The following TMEM232 variants were observed in gnomAD, a reference collection of about 807,000 sequenced individuals.
The protein encoded by TMEM232 is transmembrane protein 232.
In TMEM232, 80 loss-of-function variants were observed where a neutral mutation model predicts 78.8. The ratio of observed to expected loss-of-function variants is 1.01; its 90% confidence interval spans 0.85 to 1.22. TMEM232 has a LOEUF of 1.22. Ranked by LOEUF, TMEM232 falls within the 50% of genes most tolerant of loss-of-function variation. The pLI is 0.00. For missense variants in TMEM232, 881 were observed against 742.2 expected (o/e 1.19, Z -2.17); for synonymous variants, 297 against 254.3 (o/e 1.17, Z -1.60).
chr5:110,571,360 T>C (rs975332443), intron 10 of TMEM232, among the ~76,000 whole-genome samples: 15 of 152,124 alleles, frequency 9.9e-5, no homozygotes, highest in East Asian at 5.8e-4. Flanking sequence ...GCTGAAGTGT[T>C]TCTTGGAACA....
At chr5:110,450,706 C>T (rs544269013) in intron 12 of TMEM232, among the ~76,000 whole-genome samples, 7 of 152,276 alleles carry the variant, frequency 4.6e-5, no homozygotes, top group Admixed American at 4.6e-4. Flanking sequence ...TCCAGCACTC[C>T]TGGATGTACC....
At chr5:110,632,696 G>A (rs1003341812) in intron 5 of TMEM232, among the ~76,000 whole-genome samples, 4 of 151,594 alleles carry the variant, frequency 2.6e-5, no homozygotes, top group Non-Finnish European at 4.4e-5. Flanking sequence ...GATATAACTT[G>A]GAGAAAAACA....
intron 3 of TMEM232, among the ~76,000 whole-genome samples, chr5:110,397,455 G>T (rs1221399336): frequency 6.6e-6 from 1 of 152,102 alleles, no homozygotes; most frequent in Admixed American, 6.6e-5. Flanking sequence ...ATTAGAACTT[G>T]TATGCCCTCC....
chr5:110,521,677 C>T (rs995283306), intron 12 of TMEM232, among the ~76,000 whole-genome samples: 21 of 152,050 alleles, frequency 1.4e-4, no homozygotes, highest in African/African-American at 4.8e-4. Flanking sequence ...TGTGGATATC[C>T]AGCTTTCCTA....
At chr5:110,535,384 CT>C (rs1174845696) in intron 11 of TMEM232, among the ~76,000 whole-genome samples, 2 of 152,100 alleles carry the variant, frequency 1.3e-5, no homozygotes, top group Non-Finnish European at 2.9e-5. Flanking sequence ...TACCCAAATC[CT>C]ATAAAACGGC....
intron 1 of TMEM232, among the ~76,000 whole-genome samples, chr5:110,693,456 A>G (rs190089960): frequency 4.3e-4 from 65 of 152,356 alleles, no homozygotes; most frequent in Middle Eastern, 3.4e-3. Context: ...TGGATAGAGA[A>G]TGACTTTGAC....
At chr5:110,696,387 G>A (rs375218806) in intron 1 of TMEM232, among the ~76,000 whole-genome samples, 2 of 152,064 alleles carry the variant, frequency 1.3e-5, no homozygotes, top group South Asian at 2.1e-4. Flanking sequence ...CTTTGAAAAC[G>A]GGCACAAGAC....
intron 12 of TMEM232, among the ~76,000 whole-genome samples, chr5:110,480,689 T>G (rs1763763377): frequency 6.6e-6 from 1 of 152,090 alleles, no homozygotes; most frequent in Non-Finnish European, 1.5e-5. Context: ...CAGGCAGATT[T>G]CAAAGATGAT....
rs1437376793 is a variant in TMEM232, at chr5:110,618,556, A to G, written c.775T>C (p.Tyr259His). The G allele has an allele frequency of 6.5e-7, 1 of 1,546,002 alleles. No individual in the cohort carries two copies. Among genetic ancestry groups the G allele is most frequent in the Non-Finnish European group, 8.7e-7 (1 of 1,145,534 alleles). Residue 259 changes from tyrosine (Y) to histidine (H), a missense_variant, in exon 8 of 14, where the codon TAT becomes CAT. By Grantham distance (83) the Tyr-to-His change is moderately conservative (BLOSUM62 2). Coordinates refer to ENST00000455884, the MANE Select transcript of TMEM232 (RefSeq NM_001039763.4). Reference protein sequence around the residue: ...YENTDSDMGGYEINHLLWHCV... With the variant: ...YENTDSDMGGHEINHLLWHCV... ...TGCCAGAGCAGGTGGTTAATTTCAT[A>G]TCCTCCCTGATTAAATTGCAAATGT...
At chr5:110,554,968 A>G (rs554631899) in intron 11 of TMEM232, among the ~76,000 whole-genome samples, 49 of 151,894 alleles carry the variant, frequency 3.2e-4, no homozygotes, top group South Asian at 1.9e-3. Flanking sequence ...GATCATTTGT[A>G]TGGATTTTTG....
intron 12 of TMEM232, among the ~76,000 whole-genome samples, chr5:110,460,409 T>C (rs1195210749): frequency 3.9e-5 from 6 of 152,108 alleles, no homozygotes; most frequent in African/African-American, 7.2e-5. Flanking sequence ...ATGCTCTCTA[T>C]AGTAATCTCA....
At chr5:110,607,772 T>A (rs545826487) in intron 8 of TMEM232, among the ~76,000 whole-genome samples, 102 of 151,938 alleles carry the variant, frequency 6.7e-4, no homozygotes, top group African/African-American at 2.4e-3. Context: ...TAAGAAAAAA[T>A]TTTAAAATTA....
At chr5:110,488,152 T>C (rs945533138) in intron 12 of TMEM232, among the ~76,000 whole-genome samples, 8 of 152,146 alleles carry the variant, frequency 5.3e-5, no homozygotes, top group South Asian at 2.1e-4. Context: ...AAGGTGTTCA[T>C]TGCAGCCTTG....
At chr5:110,401,724 C>T (rs1365309253) in intron 2 of TMEM232, among the ~76,000 whole-genome samples, 2 of 152,076 alleles carry the variant, frequency 1.3e-5, no homozygotes, top group Middle Eastern at 3.4e-3. Flanking sequence ...TTCCTGGGCT[C>T]ACCCAATATA....
intron 12 of TMEM232, among the ~76,000 whole-genome samples, chr5:110,518,231 C>G (rs534688966): frequency 1.5e-4 from 22 of 151,650 alleles, no homozygotes; most frequent in Non-Finnish European, 2.9e-4. Flanking sequence ...ATACACTTTC[C>G]CTTGCTTTTT....
rs934875340 is a variant in TMEM232 at position 110,605,247 on chromosome 5, T to C, written c.1138A>G (p.Thr380Ala). Residue 380 changes from threonine (T) to alanine (A), a missense_variant, in exon 10 of 14, where the codon ACT becomes GCT. Physicochemically the swap from Thr to Ala is moderately conservative, Grantham distance 58. Transcript: ENST00000455884. ...CAGTGACAGAAACCAATTAAAGCAG[T>C]TTTTCGCAAATCAGAAGTGGCTGCA... ...LYAATSDLRK[T>A]ALIGFCHCKS... 4 of 1,551,218 alleles carry C rather than the reference T, an allele frequency of 2.6e-6. No individual in the cohort carries two copies. The highest frequency in any genetic ancestry group is 2.6e-6 in the Non-Finnish European group (3 of 1,146,720).
intron 12 of TMEM232, among the ~76,000 whole-genome samples, chr5:110,512,722 C>T (rs915437972): frequency 1.3e-5 from 2 of 152,100 alleles, no homozygotes; most frequent in Non-Finnish European, 2.9e-5. Flanking sequence ...TCAACAATCC[C>T]CCTTTCTTTG....
At chr5:110,598,253 GAA>G (rs368939126) in intron 10 of TMEM232, among the ~76,000 whole-genome samples, 3 of 151,900 alleles carry the variant, frequency 2.0e-5, no homozygotes, top group African/African-American at 7.3e-5. Context: ...AAAGACACAT[GAA>G]AAAAATGCTC....
At chr5:110,609,301 G>C (rs1440407032) in intron 8 of TMEM232, among the ~76,000 whole-genome samples, 1 of 151,922 alleles carries the variant, frequency 6.6e-6, no homozygotes, top group African/African-American at 2.4e-5. Context: ...CCATAAAGTT[G>C]ATAAAGCTGA....
Sources: allele counts gnomAD v4.1 joint callset (sites outside exome capture counted in the v4.1 genomes callset), GRCh38; gene constraint gnomAD v4.1.1; transcripts MANE v1.5; gene names NCBI Gene and HGNC (gene_info 2026-07-23, HGNC 2026-07-21).